PSEN2: variants seen among roughly 807,000 people sequenced by gnomAD.
The protein encoded by PSEN2 is presenilin-2.
Under a neutral mutation model 49.1 loss-of-function variants are expected in PSEN2, and 32 were observed. The ratio of observed to expected loss-of-function variants is 0.65; its 90% CI spans 0.49 to 0.88. The LOEUF is 0.88. PSEN2 is among the 40% of genes least tolerant of loss of function. The pLI is 0.00. For synonymous variants in PSEN2, 255 were observed against 244.0 expected (o/e 1.05, Z -0.42); for missense variants, 522 against 586.9 (o/e 0.89, Z 1.14).
chr1:226,897,146 G>C (rs1471861924), downstream of PSEN2, among the ~76,000 whole-genome samples: 1 of 152,158 alleles, frequency 6.6e-6, no homozygotes, highest in Non-Finnish European at 1.5e-5. Flanking sequence ...GCGGGGAGCG[G>C]GTAAAGCAGA....
downstream of PSEN2, chr1:226,896,231 T>C (rs1280062547): frequency 6.3e-6 from 1 of 157,894 alleles, no homozygotes; most frequent in Non-Finnish European, 1.4e-5. Flanking sequence ...ATCTCGCCTC[T>C]CTGCACACAT....
intron 9 of PSEN2, 84 bp downstream of exon 9, chr1:226,890,217 C>A: frequency 1.7e-6 from 2 of 1,194,534 alleles, no homozygotes; most frequent in South Asian, 1.2e-5. Context: ...CTGGCCGTGG[C>A]TTTCAGAGTT....
chr1:226,874,687 C>G (rs1660519916), intron 2 of PSEN2, among the ~76,000 whole-genome samples: 1 of 152,182 alleles, frequency 6.6e-6, no homozygotes, highest in African/African-American at 2.4e-5. Flanking sequence ...TGAACATCTA[C>G]TGTGTGCTGG....
At chr1:226,889,198 T>A (rs921412815) in intron 8 of PSEN2, 149 bp downstream of exon 8, 3 of 708,140 alleles carry the variant, frequency 4.2e-6, no homozygotes, top group Non-Finnish European at 7.1e-6. Flanking sequence ...GAGTCGCCTT[T>A]GTAAAACAGA....
chr1:226,887,838 G>A (rs186151996), intron 6 of PSEN2, among the ~76,000 whole-genome samples: 4 of 152,238 alleles, frequency 2.6e-5, no homozygotes, highest in Admixed American at 2.0e-4. Flanking sequence ...GTAGAGATGG[G>A]GGGAGACCGC....
intron 3 of PSEN2, among the ~76,000 whole-genome samples, chr1:226,877,438 G>A (rs1341382246): frequency 6.6e-6 from 1 of 152,204 alleles, no homozygotes; most frequent in African/African-American, 2.4e-5. Context: ...GGGCTCAGCA[G>A]GTGCTGGTCC....
At chr1:226,873,929 G>A (rs764011590) in intron 2 of PSEN2, among the ~76,000 whole-genome samples, 48 of 152,246 alleles carry the variant, frequency 3.2e-4, no homozygotes, top group Non-Finnish European at 4.9e-4. Flanking sequence ...CAGTCCCACA[G>A]CAGGACACTT....
At position 226,891,283 on chromosome 1, in the gene PSEN2, A is replaced by G. The variant is rs1254068585; in HGVS notation, c.892A>G (p.Met298Val). Residue 298 changes from methionine (M) to valine (V), a missense_variant, in exon 10 of 13, where the codon ATG (methionine) becomes GTG (valine). Transcript: ENST00000366783. ...IFPALIYSSA[M>V]VWTVGMAKLD... The stretch of plus-strand genomic sequence containing the variant: ...AACCTTTTCTCCTCCCCCAGCTGCC[A>G]TGGTGTGGACGGTTGGCATGGCGAA... The G allele has an allele frequency of 1.9e-6, 3 of 1,613,796 alleles. No individual in the cohort carries two copies. Among genetic ancestry groups the G allele is most frequent in the South Asian group, 1.1e-5 (1 of 90,958 alleles).
At chr1:226,893,735 C>T (rs1173613650) in intron 11 of PSEN2, among the ~76,000 whole-genome samples, 3 of 152,224 alleles carry the variant, frequency 2.0e-5, no homozygotes, top group Non-Finnish European at 2.9e-5. Context: ...TCTCTAAGTG[C>T]CCAACACTGG....
intron 3 of PSEN2, among the ~76,000 whole-genome samples, chr1:226,876,930 C>T (rs1345601083): frequency 6.6e-6 from 1 of 152,160 alleles, no homozygotes; most frequent in East Asian, 1.9e-4. Flanking sequence ...CCTTTTTCAG[C>T]CCAAGAGCTC....
At chr1:226,881,794 C>T in intron 3 of PSEN2, 94 bp from the exon 4 acceptor site, 1 of 1,414,098 alleles carries the variant, frequency 7.1e-7, no homozygotes, top group South Asian at 1.2e-5. Flanking sequence ...GACTTGTGTC[C>T]AAGTCTCCAG....
At chr1:226,884,135 C>T (rs1661191223) in intron 5 of PSEN2, among the ~76,000 whole-genome samples, 1 of 152,210 alleles carries the variant, frequency 6.6e-6, no homozygotes, top group African/African-American at 2.4e-5. Context: ...GCCTCAGCTT[C>T]CTTGTTCGTA....
At chr1:226,885,504 G>A (rs202031936) in intron 5 of PSEN2, 34 bp from the exon 6 acceptor site, 1 of 1,611,446 alleles carries the variant, frequency 6.2e-7, no homozygotes, top group South Asian at 1.1e-5. Context: ...AGCAGTCAGG[G>A]CCGGGAGCAT....
rs1464559320 is a variant in PSEN2 at position 226,891,146 on chromosome 1, G to A, written c.887-132G>A. 5 of 745,718 alleles carry A rather than the reference G, an allele frequency of 6.7e-6. No homozygotes were observed. The East Asian group carries it at 8.0e-5, about 12-fold the overall frequency. 46.2% of individuals were successfully genotyped at this position (745,718 alleles called of 1,614,324 possible). On this transcript the variant is annotated intron_variant, in intron 9 of 12. Coordinates refer to ENST00000366783, the MANE Select transcript of PSEN2 (RefSeq NM_000447.3). ...CCCACAACGGCCTCCTAACAATGGA[G>A]CATGAGCAGATACCTGCAGGATGGA... is the stretch of plus-strand genomic sequence containing the variant.
chr1:226,884,081 C>T (rs923531888), intron 5 of PSEN2, among the ~76,000 whole-genome samples, 162 bp downstream of exon 5: 4 of 152,198 alleles, frequency 2.6e-5, no homozygotes, highest in African/African-American at 7.2e-5. Context: ...GGCTCACTGC[C>T]TCCTGGATTG....
At chr1:226,890,582 C>T (rs959033523) in intron 9 of PSEN2, 9 of 269,848 alleles carry the variant, frequency 3.3e-5, no homozygotes, top group African/African-American at 1.5e-4. Flanking sequence ...CCCCTGGCCT[C>T]GGGGTCAATG....
intron 12 of PSEN2, among the ~76,000 whole-genome samples, chr1:226,902,029 G>A (rs1662334777): frequency 6.6e-6 from 1 of 152,160 alleles, no homozygotes; most frequent in Non-Finnish European, 1.5e-5. Flanking sequence ...CATGGAGAGA[G>A]GAGGATGTGA....
intron 8 of PSEN2, 115 bp from the exon 9 acceptor site, chr1:226,889,920 C>T: frequency 1.2e-6 from 1 of 847,868 alleles, no homozygotes; most frequent in South Asian, 1.4e-5. Context: ...GGGATGCCAG[C>T]CCAGAGGCAA....
intron 11 of PSEN2, among the ~76,000 whole-genome samples, chr1:226,892,357 G>GC (rs1429522456): frequency 1.3e-5 from 2 of 152,234 alleles, no homozygotes; most frequent in Non-Finnish European, 2.9e-5. Flanking sequence ...ATCAGAGGAA[G>GC]CCGGGGCGGG....
Sources: allele counts gnomAD v4.1 joint callset (sites outside exome capture counted in the v4.1 genomes callset), GRCh38; gene constraint gnomAD v4.1.1; transcripts MANE v1.5; gene names NCBI Gene and HGNC (gene_info 2026-07-23, HGNC 2026-07-21).